Variants in ATAD1 observed in about 807,000 individuals in gnomAD.
ATAD1 encodes the protein ATPase family AAA domain containing 1.
Under a neutral mutation model 42.7 loss-of-function variants are expected in ATAD1, and 18 were observed. That is an observed-to-expected ratio of 0.42 (90% CI 0.29 to 0.63). The LOEUF (loss-of-function observed/expected upper bound fraction) is 0.63, where lower values mean the gene tolerates loss of function less well. ATAD1 is among the 20% of genes least tolerant of loss of function. The probability of loss-of-function intolerance (pLI) is 0.19; values close to 1 mark genes in which losing one functional copy is unlikely to be tolerated. For synonymous variants in ATAD1, 132 were observed against 143.1 expected (o/e 0.92, Z 0.55); for missense variants, 294 against 440.4 (o/e 0.67, Z 2.98).
intron 9 of ATAD1, among the ~76,000 whole-genome samples, chr10:87,756,342 A>G (rs1854221467): frequency 6.6e-6 from 1 of 152,220 alleles, no homozygotes; most frequent in African/African-American, 2.4e-5. Context: ...GTTCATTAGT[A>G]TCTTTGCTGA....
chr10:87,821,224 A>T (rs994885181), upstream of ATAD1, among the ~76,000 whole-genome samples: 1 of 152,026 alleles, frequency 6.6e-6, no homozygotes, highest in Non-Finnish European at 1.5e-5. Flanking sequence ...GGAAGAAAGG[A>T]TTCCTTAAAT....
intron 1 of ATAD1, among the ~76,000 whole-genome samples, chr10:87,830,167 A>T (rs1237152710): frequency 6.6e-6 from 1 of 152,196 alleles, no homozygotes; most frequent in African/African-American, 2.4e-5. Flanking sequence ...ACCAGTGGGA[A>T]AGCAAATGCA....
intron 5 of ATAD1, 138 bp downstream of exon 5, chr10:87,784,329 AATT>A: frequency 1.4e-6 from 1 of 737,370 alleles, no homozygotes. Flanking sequence ...ACAACACAGA[AATT>A]ATACATAGCA....
upstream of ATAD1, chr10:87,818,347 G>A: frequency 1.3e-6 from 1 of 741,498 alleles, no homozygotes; most frequent in Non-Finnish European, 1.6e-6. Flanking sequence ...GTGAGGGAGA[G>A]CAAATTCGCG....
At chr10:87,763,533 C>T (rs1423058285) in intron 8 of ATAD1, among the ~76,000 whole-genome samples, 5 of 152,092 alleles carry the variant, frequency 3.3e-5, no homozygotes, top group South Asian at 4.1e-4. Context: ...ACTAGCTGTG[C>T]GTGGTGAAGC....
rs1012354353 is a variant in ATAD1, at chr10:87,778,179, A to T, written c.584-1752T>A. Among the ~76,000 whole-genome samples, 9 of 58,518 alleles carry T rather than the reference A, an allele frequency of 1.5e-4. 1 individual carries two copies. The highest frequency in any genetic ancestry group is 4.3e-4 in the South Asian group (1 of 2,310). The allele number at this position is 58,518 out of a possible 152,430, so 38.4% of individuals were successfully genotyped here. ...CATGACTAAGATATTAGAATAAATT[A>T]AAAAAAAAAAAAAAAAAAAAACTCA... On this transcript the variant is annotated intron_variant, in intron 5 of 9. Transcript: ENST00000680024.
intron 8 of ATAD1, among the ~76,000 whole-genome samples, chr10:87,761,042 T>C (rs2057358): frequency 0.29 from 44,395 of 151,568 alleles, 6,711 homozygotes; most frequent in Middle Eastern, 0.31. Flanking sequence ...TCAGAGAAGA[T>C]GAACTCAAAG....
rs755147252 is a variant in ATAD1 at position 87,790,414 on chromosome 10, A to G, written c.278T>C (p.Ile93Thr). The change falls in exon 4 of 10, where the codon ATA becomes ACA. Residue 93 changes from isoleucine to threonine, a missense_variant. This residue lies in a region of ATAD1 where 121 missense variants were observed against 187.3 expected (regional missense o/e 0.65). Transcript: ENST00000680024. Reference sequence around the variant, plus strand: ...CGTAATGACATCATCTAAACCTGCTATATCACTCCAAGTAACCTGGCAAAA... The same window carrying G: ...CGTAATGACATCATCTAAACCTGCTGTATCACTCCAAGTAACCTGGCAAAA... Reference protein sequence around the residue: ...PLNMHVTWSDIAGLDDVITDL... With the variant: ...PLNMHVTWSDTAGLDDVITDL... The G allele has an allele frequency of 5.6e-6, 9 of 1,608,148 alleles. No homozygotes were observed. Among genetic ancestry groups the G allele is most frequent in the South Asian group, 2.2e-5 (2 of 89,510 alleles).
intron 2 of ATAD1, among the ~76,000 whole-genome samples, chr10:87,803,644 C>T (rs1405868749): frequency 6.6e-6 from 1 of 152,210 alleles, no homozygotes; most frequent in East Asian, 1.9e-4. Context: ...CTCATGTATC[C>T]CTAAAATGTA....
intron 4 of ATAD1, among the ~76,000 whole-genome samples, chr10:87,786,639 T>G (rs1262026359): frequency 6.6e-6 from 1 of 152,174 alleles, no homozygotes; most frequent in Non-Finnish European, 1.5e-5. Context: ...GTTACATAAG[T>G]GTGTTAGCCT....
upstream of ATAD1, among the ~76,000 whole-genome samples, chr10:87,819,574 A>G (rs1857586644): frequency 2.0e-5 from 3 of 152,206 alleles, no homozygotes; most frequent in South Asian, 4.1e-4. Flanking sequence ...TGTGCTTTAC[A>G]TGCATAACCT....
At chr10:87,807,755 A>G (rs534614690) in intron 2 of ATAD1, among the ~76,000 whole-genome samples, 1 of 152,316 alleles carries the variant, frequency 6.6e-6, no homozygotes, top group Admixed American at 6.5e-5. Context: ...TTTAATTTCA[A>G]TAGCAACCCA....
intron 1 of ATAD1, among the ~76,000 whole-genome samples, chr10:87,828,102 C>T (rs1023723126): frequency 3.3e-5 from 5 of 151,998 alleles, no homozygotes; most frequent in African/African-American, 7.2e-5. Context: ...GTACTACAGG[C>T]GCACACCACT....
intron 2 of ATAD1, among the ~76,000 whole-genome samples, chr10:87,806,046 G>A (rs1218056952): frequency 6.6e-6 from 1 of 152,086 alleles, no homozygotes; most frequent in East Asian, 1.9e-4. Context: ...AGTGAGAAGA[G>A]GGATAACCAA....
chr10:87,801,304 C>T (rs1342201150), intron 2 of ATAD1, among the ~76,000 whole-genome samples: 1 of 152,088 alleles, frequency 6.6e-6, no homozygotes, highest in Admixed American at 6.5e-5. Context: ...ATTTGACAAA[C>T]TTTCCAAAAT....
chr10:87,817,815 T>C (rs2132081241), intron 1 of ATAD1: 1 of 985,460 alleles, frequency 1.0e-6, no homozygotes, highest in Non-Finnish European at 1.2e-6. Flanking sequence ...CCAGCCGCCT[T>C]CGTCTAGGTT....
At chr10:87,798,948 A>G (rs1856548793) in intron 2 of ATAD1, among the ~76,000 whole-genome samples, 1 of 152,132 alleles carries the variant, frequency 6.6e-6, no homozygotes, top group Non-Finnish European at 1.5e-5. Flanking sequence ...ATGTCTATGT[A>G]TTTATGTGTT....
chr10:87,799,670 TTAAAA>T (rs1177651735), intron 2 of ATAD1, among the ~76,000 whole-genome samples: 1 of 152,134 alleles, frequency 6.6e-6, no homozygotes, highest in African/African-American at 2.4e-5. Context: ...AGGTAAACAA[TTAAAA>T]TAATTAGGTA....
intron 5 of ATAD1, among the ~76,000 whole-genome samples, chr10:87,781,757 C>T (rs1361128704): frequency 6.6e-6 from 1 of 152,074 alleles, no homozygotes; most frequent in Non-Finnish European, 1.5e-5. Flanking sequence ...ATCCTCTCAC[C>T]TCAGCCTCCC....
Sources: gnomAD v4.1 joint callset for allele counts (sites outside exome capture counted in the v4.1 genomes callset) on GRCh38, gnomAD v4.1.1 for gene constraint, gnomAD v4.1.1 regional missense constraint, MANE v1.5 for transcripts, NCBI Gene and HGNC (gene_info 2026-07-23, HGNC 2026-07-21) for gene names.